FAM178B: variants seen among roughly 807,000 people sequenced by gnomAD.
FAM178B encodes protein FAM178B.
A neutral mutation model predicts 91.7 loss-of-function variants in FAM178B; 82 were observed. The observed-to-expected ratio is 0.89, with a 90% CI of 0.75 to 1.07. The LOEUF is 1.07. Ranked by LOEUF, FAM178B falls within the 50% of genes least tolerant of loss-of-function variation. The pLI is 0.00. For missense variants in FAM178B, 769 were observed against 846.7 expected (o/e 0.91, Z 1.14); for synonymous variants, 368 against 359.4 (o/e 1.02, Z -0.27).
chr2:96,943,823 C>A (rs1432821658), intron 8 of FAM178B, among the ~76,000 whole-genome samples: 1 of 152,168 alleles, frequency 6.6e-6, no homozygotes, highest in Non-Finnish European at 1.5e-5. Context: ...TCCCTGTATA[C>A]CCTGATACTC....
At chr2:96,925,548 C>A (rs1471648363) in intron 9 of FAM178B, among the ~76,000 whole-genome samples, 1 of 152,264 alleles carries the variant, frequency 6.6e-6, no homozygotes. Context: ...CAAGGGGCCA[C>A]AGCCCGGGAA....
chr2:96,906,877 G>A (rs1335965576), intron 12 of FAM178B, among the ~76,000 whole-genome samples: 1 of 152,232 alleles, frequency 6.6e-6, no homozygotes, highest in African/African-American at 2.4e-5. Context: ...CCAGTCAGAA[G>A]TCTGCATCTG....
At chr2:96,917,597 C>A (rs184132654) in intron 12 of FAM178B, among the ~76,000 whole-genome samples, 1 of 152,182 alleles carries the variant, frequency 6.6e-6, no homozygotes, top group South Asian at 2.1e-4. Context: ...GGCTCACACC[C>A]GTGATCCCAG....
At chr2:96,967,416 A>G in intron 5 of FAM178B, 104 bp downstream of exon 5, 1 of 658,424 alleles carries the variant, frequency 1.5e-6, no homozygotes, top group Non-Finnish European at 2.7e-6. Context: ...CAAATAGTAC[A>G]CAAATCACTG....
At chr2:96,959,670 T>C (rs1410294257) in intron 6 of FAM178B, among the ~76,000 whole-genome samples, 4 of 152,226 alleles carry the variant, frequency 2.6e-5, no homozygotes, top group African/African-American at 4.8e-5. Flanking sequence ...CCCTGAGGAC[T>C]TTCTTTCCTC....
chr2:96,972,163 G>GC lies in FAM178B; in HGVS notation c.301dup (p.Ala101GlyfsTer9), dbSNP rs2153375789. On this transcript the variant is annotated frameshift_variant, in exon 3 of 17. Transcript: ENST00000490605. LOFTEE classifies it high-confidence loss of function. The stretch of plus-strand genomic sequence containing the variant: ...GTCAGTGGGAAACGTTTCCCCAGGT[G>GC]CCTGTATCTTGGGCTTCTTTGGCGA... 2 of 1,545,386 alleles carry GC rather than the reference G, an allele frequency of 1.3e-6. No individual in the cohort carries two copies. The highest frequency in any genetic ancestry group is 4.9e-5 in the East Asian group (2 of 40,884).
chr2:96,911,677 G>A (rs985829346), intron 12 of FAM178B, among the ~76,000 whole-genome samples: 3 of 152,362 alleles, frequency 2.0e-5, no homozygotes, highest in Admixed American at 2.0e-4. Flanking sequence ...GGATGCTCTG[G>A]CGGAAATCCA....
chr2:96,916,343 T>C (rs1028179025), intron 12 of FAM178B, among the ~76,000 whole-genome samples: 3 of 152,252 alleles, frequency 2.0e-5, no homozygotes, highest in Admixed American at 1.3e-4. Flanking sequence ...CTCTACGTCA[T>C]TGTCAGGGCT....
chr2:96,971,046 G>A (rs1244284992), intron 3 of FAM178B, among the ~76,000 whole-genome samples: 1 of 151,684 alleles, frequency 6.6e-6, no homozygotes, highest in East Asian at 1.9e-4. Context: ...TTCACACAGA[G>A]ACAGCAAACA....
chr2:96,916,169 G>A (rs895749285), intron 12 of FAM178B, among the ~76,000 whole-genome samples: 1 of 152,154 alleles, frequency 6.6e-6, no homozygotes, highest in Admixed American at 6.5e-5. Context: ...TTTTTGAAGG[G>A]TGTGCACATT....
At chr2:96,933,257 A>G (rs1402333362) in intron 8 of FAM178B, among the ~76,000 whole-genome samples, 1 of 152,158 alleles carries the variant, frequency 6.6e-6, no homozygotes, top group South Asian at 2.1e-4. Context: ...AAAAATAAAA[A>G]AAAAAATTAA....
intron 1 of FAM178B, among the ~76,000 whole-genome samples, chr2:96,978,619 T>C (rs1377489069): frequency 7.6e-6 from 1 of 130,792 alleles, no homozygotes; most frequent in Non-Finnish European, 1.6e-5. Context: ...ACAAGAGATA[T>C]GATTTCTTCT....
chr2:96,965,419 A>G (rs762248389), intron 5 of FAM178B, among the ~76,000 whole-genome samples: 22 of 151,704 alleles, frequency 1.5e-4, no homozygotes, highest in Non-Finnish European at 2.8e-4. Context: ...CTTGATTCCA[A>G]GCCCACCCTA....
intron 6 of FAM178B, chr2:96,956,779 G>C (rs546385577): frequency 6.6e-6 from 1 of 152,372 alleles, no homozygotes; most frequent in South Asian, 2.1e-4. Flanking sequence ...TGAGATGAGA[G>C]AACATCCAGC....
chr2:96,920,344 G>A (rs1007494043), intron 12 of FAM178B, among the ~76,000 whole-genome samples: 3 of 152,314 alleles, frequency 2.0e-5, no homozygotes, highest in African/African-American at 4.8e-5. Context: ...GCTCATGCCT[G>A]TAATCTCAGC....
At chr2:96,889,470 G>C (rs2080612711) in intron 14 of FAM178B, among the ~76,000 whole-genome samples, 1 of 151,820 alleles carries the variant, frequency 6.6e-6, no homozygotes, top group Non-Finnish European at 1.5e-5. Context: ...CCTGAGGTCA[G>C]GAGTTTGAGA....
intron 1 of FAM178B, among the ~76,000 whole-genome samples, chr2:96,980,439 C>G (rs2082347197): frequency 6.6e-6 from 1 of 152,064 alleles, no homozygotes. Flanking sequence ...GCTCTGTCAC[C>G]CAGGCTGGAG....
chr2:96,947,252 A>G (rs1175519678), intron 8 of FAM178B, among the ~76,000 whole-genome samples: 2 of 152,218 alleles, frequency 1.3e-5, no homozygotes, highest in Non-Finnish European at 2.9e-5. Flanking sequence ...AAAGCATTAT[A>G]AAGAGGAATT....
intron 9 of FAM178B, among the ~76,000 whole-genome samples, chr2:96,928,218 G>A (rs2081479340): frequency 6.6e-6 from 1 of 152,252 alleles, no homozygotes; most frequent in East Asian, 1.9e-4. Flanking sequence ...GGGAAGCATG[G>A]GGGGAAGTCC....
Sources: gnomAD v4.1 joint callset for allele counts (sites outside exome capture counted in the v4.1 genomes callset) on GRCh38, gnomAD v4.1.1 for gene constraint, MANE v1.5 for transcripts, NCBI Gene and HGNC (gene_info 2026-07-23, HGNC 2026-07-21) for gene names.